The following SPATA18 variants were observed in gnomAD, a reference collection of about 807,000 sequenced individuals.
SPATA18 encodes spermatogenesis associated 18, also known as mitochondria-eating protein.
Under a neutral mutation model 68.1 loss-of-function variants are expected in SPATA18, and 54 were observed. The ratio of observed to expected loss-of-function variants is 0.79; its 90% CI spans 0.64 to 0.99. The LOEUF (loss-of-function observed/expected upper bound fraction) is 0.99, where lower values mean the gene tolerates loss of function less well. SPATA18 is among the 50% of genes least tolerant of loss of function. The pLI is 0.00. For missense variants in SPATA18, 724 were observed against 681.1 expected (o/e 1.06, Z -0.70); for synonymous variants, 242 against 244.8 (o/e 0.99, Z 0.11).
chr4:52,082,619 A>C, intron 10 of SPATA18, 109 bp downstream of exon 10: 1 of 1,601,372 alleles, frequency 6.2e-7, no homozygotes, highest in Non-Finnish European at 8.5e-7. Context: ...AGAGTTGATA[A>C]GATTTCATAC....
At chr4:52,073,375 G>A (rs962631313) in intron 6 of SPATA18, among the ~76,000 whole-genome samples, 10 of 152,160 alleles carry the variant, frequency 6.6e-5, no homozygotes, top group Middle Eastern at 3.4e-3. Context: ...AATTTACTTC[G>A]TACTTGAGGG....
chr4:52,089,084 T>C (rs1741711135), intron 11 of SPATA18, among the ~76,000 whole-genome samples: 1 of 152,248 alleles, frequency 6.6e-6, no homozygotes, highest in African/African-American at 2.4e-5. Context: ...GTGTTTATAG[T>C]ATTCTCTGAT....
intron 11 of SPATA18, among the ~76,000 whole-genome samples, chr4:52,085,527 C>A (rs949563823): frequency 6.6e-6 from 1 of 152,028 alleles, no homozygotes; most frequent in Non-Finnish European, 1.5e-5. Flanking sequence ...AAAAAAATAA[C>A]AGCAAAAACA....
intron 1 of SPATA18, among the ~76,000 whole-genome samples, chr4:52,059,471 A>G (rs1426872654): frequency 6.6e-6 from 1 of 152,246 alleles, no homozygotes; most frequent in East Asian, 1.9e-4. Context: ...GGAAAGCAGA[A>G]TAATAGCTAA....
At chr4:52,084,024 C>T (rs1361761930) in intron 10 of SPATA18, among the ~76,000 whole-genome samples, 2 of 146,868 alleles carry the variant, frequency 1.4e-5, no homozygotes, top group Non-Finnish European at 3.0e-5. Flanking sequence ...CAGGCATGAA[C>T]CACCACACCC....
rs776626871 is a variant in SPATA18 at position 52,078,898 on chromosome 4, G to A, written c.1179+5G>A. The A allele has an allele frequency of 6.4e-7, 1 of 1,569,438 alleles. No homozygotes were observed. The highest frequency in any genetic ancestry group is 2.3e-5 in the East Asian group (1 of 43,956). The stretch of plus-strand genomic sequence containing the variant: ...GATTCTCAAAGCAGTGTCAATGTAA[G>A]TGTTGAGTCTTTTATTAGGACTGGT... On this transcript the variant is annotated splice_donor_5th_base_variant and intron_variant, in intron 8 of 12. Transcript: ENST00000295213.
intron 6 of SPATA18, among the ~76,000 whole-genome samples, chr4:52,075,706 C>A (rs965652360): frequency 2.0e-5 from 3 of 152,112 alleles, no homozygotes; most frequent in South Asian, 2.1e-4. Context: ...AAAAAGAGAT[C>A]ATATAATGTC....
intron 3 of SPATA18, among the ~76,000 whole-genome samples, chr4:52,061,487 A>AAATAATAATAAT (rs3050629): frequency 0.11 from 15,193 of 143,398 alleles, 975 homozygotes; most frequent in Non-Finnish European, 0.14. Context: ...CCTAAAGTAA[A>AAATAATAATAAT]AATAATAATA....
At position 52,074,339 on chromosome 4, in the gene SPATA18, T is replaced by C. The variant is rs114280296; in HGVS notation, c.758+2183T>C. 2.9e-3 allele frequency among the ~76,000 whole-genome samples: 447 copies of C among 152,258 alleles called. 3 individuals carry two copies. Among genetic ancestry groups the C allele is most frequent in the African/African-American group, 0.011 (442 of 41,522 alleles). ...TGGCAGCCAGGTAATATGGTGTTGA[T>C]TGGTTTGATTAAAATGTTGGAAACA... On this transcript the variant is annotated intron_variant, in intron 6 of 12. Transcript: ENST00000295213.
chr4:52,053,877 C>A (rs918786260), intron 1 of SPATA18, among the ~76,000 whole-genome samples: 1 of 152,218 alleles, frequency 6.6e-6, no homozygotes, highest in Non-Finnish European at 1.5e-5. Context: ...GATCAAGTTA[C>A]TCTTTTTGCA....
rs1391808232 is a variant in SPATA18, at chr4:52,052,010, G to T, written c.87+219G>T. 2.0e-5 allele frequency among the ~76,000 whole-genome samples: 3 copies of T among 152,190 alleles called. No individual in the cohort carries two copies. The East Asian group carries it at 5.8e-4, about 29-fold the overall frequency. On this transcript the variant is annotated intron_variant, in intron 1 of 12. Transcript: ENST00000295213. ...GAGCTTCGGGAGGCGGCGCGCAGGC[G>T]GCCTGCGGAGCGCAGCACTAGGCTG... is the stretch of plus-strand genomic sequence containing the variant.
At chr4:52,076,743 A>G (rs1432218537) in intron 6 of SPATA18, 36 bp from the exon 7 acceptor site, 2 of 1,603,934 alleles carry the variant, frequency 1.2e-6, no homozygotes, top group East Asian at 2.2e-5. Flanking sequence ...GAAGCAAATC[A>G]AAGGATTTCC....
chr4:52,075,639 C>A (rs145173540), intron 6 of SPATA18, among the ~76,000 whole-genome samples: 2 of 152,164 alleles, frequency 1.3e-5, no homozygotes, highest in African/African-American at 2.4e-5. Flanking sequence ...TGAGTGATTT[C>A]TTGTAATTTA....
chr4:52,061,869 C>T (rs981109473), intron 3 of SPATA18, among the ~76,000 whole-genome samples: 2 of 151,988 alleles, frequency 1.3e-5, no homozygotes, highest in Non-Finnish European at 2.9e-5. Flanking sequence ...GGGTGTTATT[C>T]TAGGTATAAA....
intron 10 of SPATA18, among the ~76,000 whole-genome samples, chr4:52,084,359 G>A (rs1741234210): frequency 6.6e-6 from 1 of 152,098 alleles, no homozygotes; most frequent in Non-Finnish European, 1.5e-5. Flanking sequence ...GAAAGAACTT[G>A]GAAAAGAAAG....
At chr4:52,052,728 T>G (rs923636499) in intron 1 of SPATA18, among the ~76,000 whole-genome samples, 1 of 152,250 alleles carries the variant, frequency 6.6e-6, no homozygotes, top group Non-Finnish European at 1.5e-5. Context: ...TTGGTCTAGA[T>G]GATATGTAAA....
chr4:52,069,693 C>A, intron 4 of SPATA18, 128 bp from the exon 5 acceptor site: 1 of 483,944 alleles, frequency 2.1e-6, no homozygotes, highest in Non-Finnish European at 3.5e-6. Context: ...ATGCAGATGT[C>A]TTTTAATTTG....
intron 11 of SPATA18, among the ~76,000 whole-genome samples, chr4:52,093,525 T>G (rs1028748751): frequency 3.9e-5 from 6 of 152,160 alleles, no homozygotes; most frequent in African/African-American, 1.4e-4. Flanking sequence ...GAATAAGTAT[T>G]TATGGTAAGT....
At chr4:52,054,727 G>A (rs1205634160) in intron 1 of SPATA18, among the ~76,000 whole-genome samples, 1 of 151,954 alleles carries the variant, frequency 6.6e-6, no homozygotes, top group Non-Finnish European at 1.5e-5. Context: ...GAAAGTTACT[G>A]AAATCAGTCT....
Sources: gnomAD v4.1 joint callset for allele counts (sites outside exome capture counted in the v4.1 genomes callset) on GRCh38, gnomAD v4.1.1 for gene constraint, MANE v1.5 for transcripts, NCBI Gene and HGNC (gene_info 2026-07-23, HGNC 2026-07-21) for gene names.